Variants in CEP131 observed in about 807,000 individuals in gnomAD.
CEP131 encodes centrosomal protein of 131 kDa.
A neutral mutation model predicts 136.8 loss-of-function variants in CEP131; 99 were observed. The observed-to-expected ratio is 0.72, with a 90% CI of 0.62 to 0.86. The LOEUF (loss-of-function observed/expected upper bound fraction) is 0.86. CEP131 is among the 40% of genes least tolerant of loss of function. The pLI, the probability that CEP131 is intolerant of heterozygous loss-of-function variation, is 0.00. For missense variants in CEP131, 1,459 were observed against 1,463.0 expected, an observed-to-expected ratio of 1.00 and a Z score of 0.04; for synonymous variants, 646 against 612.7, an observed-to-expected ratio of 1.05 and a Z score of -0.80.
chr17:81,206,815 A>G lies in CEP131; in HGVS notation c.444T>C (p.Leu148=), dbSNP rs140056338. Residue 148 remains leucine, a synonymous_variant, in exon 5 of 26, where the codon CTT becomes CTC. Coordinates refer to ENST00000450824, the MANE Select transcript of CEP131 (RefSeq NM_014984.4). ...LPSNARSSSA[L]DSPAGPRRKE... ...TCCTCCGCGGGCCCGCTGGTGAGTC[A>G]AGGGCACTGGAACTCCGGGCATTGG... 2.5e-6 allele frequency: 4 copies of G among 1,614,000 alleles called. No individual in the cohort carries two copies. In the African/African-American group the frequency reaches 5.3e-5, roughly 22 times the overall value.
rs958384875 is a variant in CEP131, at chr17:81,208,414, C to T, written c.272+514G>A. Among the ~76,000 whole-genome samples, 1 of 152,074 alleles carries T rather than the reference C, an allele frequency of 6.6e-6. No individual in the cohort carries two copies. The highest frequency in any genetic ancestry group is 1.5e-5 in the Non-Finnish European group (1 of 68,002). On this transcript the variant is annotated intron_variant, in intron 3 of 25. Transcript: ENST00000450824. This position sits in a 1 kb window ranked among gnomAD's most constrained non-coding sequence, Gnocchi z 5.6. ...CACTCTGGGCTAGAGGATGTCCCCC[C>T]GGAGGCTGCTGGCCACCACCGGCTC...
chr17:81,190,910 C>T lies in CEP131; in HGVS notation c.2940G>A (p.Gln980=), dbSNP rs751341646. 13 of 1,603,190 alleles carry T rather than the reference C, an allele frequency of 8.1e-6. No individual in the cohort carries two copies. The highest frequency in any genetic ancestry group is 1.7e-5 in the Admixed American group (1 of 59,748). The part of the protein sequence containing the change: ...RQKERALEDA[Q]AVNEQLSSER... ...CACCTGACACCCGCCCACTCACCGC[C>T]TGCGCATCCTCCAGCGCCCGCTCCT... is the stretch of plus-strand genomic sequence containing the variant. Residue 980 remains glutamine, a synonymous_variant, in exon 23 of 26, where the codon CAG becomes CAA. Transcript: ENST00000450824.
Position 81,190,937 on chromosome 17 carries a change from C to A in CEP131, c.2913G>T (p.Gln971His). ...GCGCATCCTCCAGCGCCCGCTCCTTCTGCCGCACAAGGCCCTGCAGACGCA... is the reference window on the plus strand; with the variant it reads ...GCGCATCCTCCAGCGCCCGCTCCTTATGCCGCACAAGGCCCTGCAGACGCA... Reference protein sequence around the residue: ...ENLRLQGLVRQKERALEDAQA... With the variant: ...ENLRLQGLVRHKERALEDAQA... The change falls in exon 23 of 26, where the codon CAG becomes CAT. Residue 971 changes from glutamine to histidine, a missense_variant. By Grantham distance (24) the Gln-to-His change is conservative. Transcript: ENST00000450824. 6.2e-7 allele frequency: 1 copy of A among 1,604,980 alleles called. No homozygotes were observed. Among genetic ancestry groups the A allele is most frequent in the Non-Finnish European group, 8.5e-7 (1 of 1,179,724 alleles).
chr17:81,217,344 G>A (rs946819096), intron 2 of CEP131, among the ~76,000 whole-genome samples: 2 of 151,786 alleles, frequency 1.3e-5, no homozygotes, highest in Non-Finnish European at 2.9e-5. Flanking sequence ...GGGGTAGAGT[G>A]GAAACCCCAG....
intron 13 of CEP131, chr17:81,197,353 C>T (rs568653278): frequency 3.2e-5 from 17 of 535,738 alleles, no homozygotes; most frequent in Non-Finnish European, 4.9e-5. Context: ...TTTAGCCTGG[C>T]CGCTAGTGTT....
chr17:81,198,947 G>C lies in CEP131; in HGVS notation c.1217C>G (p.Pro406Arg). The C allele has an allele frequency of 1.3e-6, 2 of 1,583,774 alleles. No individual in the cohort carries two copies. The highest frequency in any genetic ancestry group is 1.7e-6 in the Non-Finnish European group (2 of 1,166,712). The part of the protein sequence containing the change: ...NTGGGLPAAG[P>R]GDRCLPTSDS... ...GGAGGTGGGCAGGCAGCGGTCTCCGGGGCCTGCAGCAGGGAGGCCACCACC... is the reference window on the plus strand; with the variant it reads ...GGAGGTGGGCAGGCAGCGGTCTCCGCGGCCTGCAGCAGGGAGGCCACCACC... The change falls in exon 11 of 26, where the codon CCC becomes CGC. Residue 406 changes from proline to arginine, a missense_variant. Around this residue, in one of 3 missense-constraint regions of CEP131, gnomAD observed 1,026 missense variants for 964.2 expected, o/e 1.06. Transcript: ENST00000450824.
At chr17:81,192,108 T>C (rs1478391598) in intron 21 of CEP131, among the ~76,000 whole-genome samples, 4 of 152,058 alleles carry the variant, frequency 2.6e-5, no homozygotes, top group Non-Finnish European at 4.4e-5. Flanking sequence ...CCAGGCACCC[T>C]TGATCCTTCC....
In CEP131 at chr17:81,190,781, C is replaced by T. The variant is rs548337721; in HGVS notation, c.2965G>A (p.Glu989Lys). 18 of 1,610,172 alleles carry T rather than the reference C, an allele frequency of 1.1e-5. No homozygotes were observed. Among genetic ancestry groups the T allele is most frequent in the East Asian group, 6.7e-5 (3 of 44,826 alleles). The change falls in exon 24 of 26, where the codon GAG becomes AAG. Residue 989 changes from glutamate (E) to lysine (K), a missense_variant. By Grantham distance (56) the Glu-to-Lys change is moderately conservative (BLOSUM62 1). This residue lies in a region of CEP131 where 1,026 missense variants were observed against 964.2 expected (regional missense o/e 1.06). Coordinates refer to ENST00000450824, the MANE Select transcript of CEP131 (RefSeq NM_014984.4). ...AQAVNEQLSS[E>K]RSNLAQVIRQ... ...ATCACCTGGGCCAGGTTGCTGCGCTCGCTAGAAAGCTGCTCGTTCACCTGG... is the reference window on the plus strand; with the variant it reads ...ATCACCTGGGCCAGGTTGCTGCGCTTGCTAGAAAGCTGCTCGTTCACCTGG...
rs373320293 is a variant in CEP131 at position 81,214,161 on chromosome 17, G to A, written c.178-5139C>T. On this transcript the variant is annotated intron_variant, in intron 2 of 25. Transcript: ENST00000450824. ...TTGTACACGTCCCATCATAATGTAA[G>A]ATATTCAAATAGCAGAGACTGGGTG... is the stretch of plus-strand genomic sequence containing the variant. 2.6e-5 allele frequency among the ~76,000 whole-genome samples: 4 copies of A among 152,340 alleles called. No individual in the cohort carries two copies. In the East Asian group the frequency reaches 7.7e-4, roughly 29 times the overall value.
chr17:81,202,137 T>G, intron 7 of CEP131, 103 bp downstream of exon 7: 1 of 594,604 alleles, frequency 1.7e-6, no homozygotes, highest in South Asian at 3.4e-5. Context: ...AATTATTAAA[T>G]GGAAATTTCT....
At chr17:81,211,942 A>G (rs2062139940) in intron 2 of CEP131, among the ~76,000 whole-genome samples, 1 of 151,552 alleles carries the variant, frequency 6.6e-6, no homozygotes. Context: ...CTGAAAAAAA[A>G]AAAAAAAGAA....
At chr17:81,205,360 T>TGGGTAGGAGGGGCAGCAGTG (rs1288167501) in intron 5 of CEP131, among the ~76,000 whole-genome samples, 102 of 98,672 alleles carry the variant, frequency 1.0e-3, no homozygotes, top group African/African-American at 3.6e-3. Flanking sequence ...GGCAAGAGTG[T>TGGGTAGGAGGGGCAGCAGTG]GGGTAGGAGG....
rs757975822 is a variant in CEP131 at position 81,189,821 on chromosome 17, T to A, written c.3191A>T (p.His1064Leu). Residue 1064 changes from histidine (H) to leucine (L), a missense_variant, in exon 26 of 26, where the codon CAC (histidine) becomes CTC (leucine). Transcript: ENST00000450824. ...QHEAAVKRAD[H>L]LEELLEQHRR... ...GTGCTGCTCCAGCAGCTCCTCCAGGTGGTCGGCCCGCTTCACCGCAGCCTG... is the reference window on the plus strand; with the variant it reads ...GTGCTGCTCCAGCAGCTCCTCCAGGAGGTCGGCCCGCTTCACCGCAGCCTG... 4 of 1,611,716 alleles carry A rather than the reference T, an allele frequency of 2.5e-6. No homozygotes were observed. In the South Asian group the frequency reaches 4.4e-5, roughly 18 times the overall value.
intron 1 of CEP131, among the ~76,000 whole-genome samples, chr17:81,221,682 A>G (rs146256282): frequency 1.7e-3 from 252 of 152,072 alleles, no homozygotes; most frequent in African/African-American, 5.7e-3. Flanking sequence ...TTCACTCCCC[A>G]TCCGGCTCGG....
At position 81,198,169 on chromosome 17, in the gene CEP131, G is replaced by A. The variant is rs777453654; in HGVS notation, c.1416C>T (p.Asp472=). ...GATGGGTCCTGGGGCGGGGCAGCACGTCCGGCTCCTTCTCCAGCAGCTGCA... is the reference window on the plus strand; with the variant it reads ...GATGGGTCCTGGGGCGGGGCAGCACATCCGGCTCCTTCTCCAGCAGCTGCA... ...HTLQLLEKEP[D]VLPRPRTHHR... The change falls in exon 12 of 26, where the codon GAC becomes GAT. Residue 472 remains aspartate (D), a synonymous_variant. Transcript: ENST00000450824. 88 of 1,576,898 alleles carry A rather than the reference G, an allele frequency of 5.6e-5. 1 individual carries two copies. Among genetic ancestry groups the A allele is most frequent in the Middle Eastern group, 5.4e-4 (3 of 5,556 alleles).
At position 81,196,940 on chromosome 17, in the gene CEP131, T is replaced by TGCA; in HGVS notation, c.1760_1762dup (p.Leu587dup). 2 of 1,609,874 alleles carry TGCA rather than the reference T, an allele frequency of 1.2e-6. No homozygotes were observed. Among genetic ancestry groups the TGCA allele is most frequent in the Non-Finnish European group, 1.7e-6 (2 of 1,178,604 alleles). On this transcript the variant is annotated inframe_insertion, in exon 14 of 26. Coordinates refer to ENST00000450824, the MANE Select transcript of CEP131 (RefSeq NM_014984.4). ...TGCCAGCAGCGTTACCAGCGCTCTC[T>TGCA]GCAGCAGCAGCATGGCCTGCTTCTT...
Position 81,208,422 on chromosome 17 carries a change from G to A in CEP131, c.272+506C>T, listed in dbSNP as rs752834470. ...GCTAGAGGATGTCCCCCCGGAGGCT[G>A]CTGGCCACCACCGGCTCCACTCCCC... On this transcript the variant is annotated intron_variant, in intron 3 of 25. Transcript: ENST00000450824. This position sits in a 1 kb window ranked among gnomAD's most constrained non-coding sequence, Gnocchi z 5.6. Among the ~76,000 whole-genome samples, 1 of 152,122 alleles carries A rather than the reference G, an allele frequency of 6.6e-6. No homozygotes were observed. The highest frequency in any genetic ancestry group is 1.9e-4 in the East Asian group (1 of 5,182).
At chr17:81,190,213 T>A (rs1349701081) in intron 24 of CEP131, among the ~76,000 whole-genome samples, 1 of 152,106 alleles carries the variant, frequency 6.6e-6, no homozygotes, top group Non-Finnish European at 1.5e-5. Flanking sequence ...GGTACCCAGA[T>A]GGGGTGGGAC....
In CEP131 at chr17:81,189,928, C is replaced by T. The variant is rs774552425; in HGVS notation, c.3155G>A (p.Arg1052Gln). The stretch of plus-strand genomic sequence containing the variant: ...ACAGGGACTCACCTCATGTTGTGTC[C>T]GGAGGCTGCTCACGGCCTCCTCCTT... ...ARKEEAVSSL[R>Q]TQHEAAVKRA... Residue 1052 changes from arginine (R) to glutamine (Q), a missense_variant, in exon 25 of 26, where the codon CGG becomes CAG. Arg to Gln is a conservative substitution (Grantham distance 43). Transcript: ENST00000450824. 1.7e-5 allele frequency: 27 copies of T among 1,612,188 alleles called. No individual in the cohort carries two copies. The highest frequency in any genetic ancestry group is 1.3e-4 in the Admixed American group (8 of 59,982).
Sources: allele counts gnomAD v4.1 joint callset (sites outside exome capture counted in the v4.1 genomes callset), GRCh38; gene constraint gnomAD v4.1.1; regional missense constraint gnomAD v4.1.1; non-coding constraint Gnocchi (gnomAD v3.1); transcripts MANE v1.5; gene names NCBI Gene and HGNC (gene_info 2026-07-23, HGNC 2026-07-21).